The following AHCY variants were observed in gnomAD, a reference collection of about 807,000 sequenced individuals.
AHCY encodes adenosylhomocysteinase.
In AHCY, 24 loss-of-function variants were observed where a neutral mutation model predicts 45.4. The observed-to-expected ratio is 0.53, with a 90% confidence interval of 0.38 to 0.74. AHCY has a LOEUF of 0.74. Among genes scored for constraint, AHCY ranks in the 30% least tolerant of loss-of-function variants. The pLI is 0.00. For missense variants in AHCY, 449 were observed against 594.1 expected (o/e 0.76, Z 2.54); for synonymous variants, 245 against 235.1 (o/e 1.04, Z -0.39).
In AHCY at chr20:34,297,886, C is replaced by G. The variant is rs549521455; in HGVS notation, c.29-2301G>C. Among the ~76,000 whole-genome samples, 4 of 152,284 alleles carry G rather than the reference C, an allele frequency of 2.6e-5. No individual in the cohort carries two copies. The South Asian group carries it at 8.3e-4, about 32-fold the overall frequency. Reference sequence around the variant, plus strand: ...GGGCGCGGTGGCTCACACCTGTAATCCCAACACTTTGGGAGGCCAAGGTGG... The same window carrying G: ...GGGCGCGGTGGCTCACACCTGTAATGCCAACACTTTGGGAGGCCAAGGTGG... On this transcript the variant is annotated intron_variant, in intron 1 of 9. Transcript: ENST00000217426.
chr20:34,256,972 C>T, the AHCY span, among the ~76,000 whole-genome samples: 1 of 152,000 alleles, frequency 6.6e-6, no homozygotes, highest in Non-Finnish European at 1.5e-5. Flanking sequence ...TCAGAGCTTC[C>T]CACCACATTC....
chr20:34,280,691 G>C lies in AHCY; in HGVS notation c.*343C>G, dbSNP rs535554157. On this transcript the variant is annotated 3_prime_UTR_variant, in exon 10 of 10. Transcript: ENST00000217426. ...ACAGGTATAAGTCCACAGACCAGGTGAAGGCCTAGATGGCAAAACACATGG... is the reference window on the plus strand; with the variant it reads ...ACAGGTATAAGTCCACAGACCAGGTCAAGGCCTAGATGGCAAAACACATGG... 2 of 378,862 alleles carry C rather than the reference G, an allele frequency of 5.3e-6. No homozygotes were observed. Among genetic ancestry groups the C allele is most frequent in the Non-Finnish European group, 5.1e-6 (1 of 197,804 alleles). The allele number at this position is 378,862 out of a possible 1,614,324, so 23.5% of individuals were successfully genotyped here. A position where few individuals can be genotyped will look rare whatever the true frequency, so the allele number is the denominator to read the frequency against.
intron 1 of AHCY, chr20:34,302,484 T>C: frequency 5.3e-6 from 3 of 562,284 alleles, no homozygotes; most frequent in Non-Finnish European, 6.8e-6. Flanking sequence ...GAGGGCAAGT[T>C]ACCTCTGCCT....
chr20:34,271,492 A>T, the AHCY span, among the ~76,000 whole-genome samples: 1 of 151,728 alleles, frequency 6.6e-6, no homozygotes, highest in African/African-American at 2.4e-5. Flanking sequence ...TGATTGATTC[A>T]GGATCATTTC....
the AHCY span, chr20:34,269,336 T>G: frequency 4.9e-6 from 4 of 814,726 alleles, no homozygotes; most frequent in Non-Finnish European, 7.1e-6. Context: ...ACAATATATA[T>G]AGGCTGCTCG....
the AHCY span, among the ~76,000 whole-genome samples, chr20:34,249,492 C>A: frequency 6.6e-6 from 1 of 152,158 alleles, no homozygotes; most frequent in South Asian, 2.1e-4. Flanking sequence ...GTCATATGAT[C>A]AGTGTCAACT....
chr20:34,262,752 C>G, the AHCY span: 14 of 1,515,582 alleles, frequency 9.2e-6, no homozygotes, highest in Non-Finnish European at 1.2e-5. Flanking sequence ...ACTTCCCAAG[C>G]CCCCTCTGCC....
chr20:34,268,934 T>TCCTC, the AHCY span: 1 of 1,550,582 alleles, frequency 6.4e-7, no homozygotes, highest in Non-Finnish European at 8.7e-7. Context: ...CAGGCAGAGG[T>TCCTC]GAGGACCGGA....
chr20:34,250,852 T>C, the AHCY span, among the ~76,000 whole-genome samples: 3 of 152,120 alleles, frequency 2.0e-5, no homozygotes, highest in Non-Finnish European at 4.4e-5. Context: ...AACAAGGCCT[T>C]ATCCCTGAAG....
At chr20:34,286,834 CAAAAAAAA>C (rs71194603) in intron 8 of AHCY, among the ~76,000 whole-genome samples, 9 of 53,738 alleles carry the variant, frequency 1.7e-4, no homozygotes, top group African/African-American at 5.5e-4. Flanking sequence ...AACTCCGTCT[CAAAAAAAA>C]AAAAAAAAAA....
rs759977182 is a variant in AHCY, at chr20:34,295,413, G to A, written c.201C>T (p.Leu67=). ...GCCTCACCTCAGCACCCAGGGTGAC[G>A]AGGGTCTCAATGAGGACGGCCGTCT... ...TVETAVLIET[L]VTLGAEVQWS... The change falls in exon 2 of 10, where the codon CTC becomes CTT. Residue 67 remains leucine (L), a synonymous_variant. Coordinates refer to ENST00000217426, the MANE Select transcript of AHCY (RefSeq NM_000687.4). 25 of 1,613,904 alleles carry A rather than the reference G, an allele frequency of 1.5e-5. No individual in the cohort carries two copies. Among genetic ancestry groups the A allele is most frequent in the South Asian group, 4.4e-5 (4 of 91,076 alleles).
intron 8 of AHCY, among the ~76,000 whole-genome samples, chr20:34,286,858 AAG>A (rs1256491668): frequency 4.0e-5 from 6 of 150,552 alleles, no homozygotes; most frequent in Non-Finnish European, 5.9e-5. Flanking sequence ...AAAAAAAAAA[AAG>A]ATACCTTGGC....
the AHCY span, among the ~76,000 whole-genome samples, chr20:34,233,652 A>G: frequency 6.6e-6 from 1 of 152,214 alleles, no homozygotes; most frequent in Admixed American, 6.5e-5. Flanking sequence ...GTCTGAAGAT[A>G]ATGAATTGGC....
chr20:34,285,683 C>T (rs1399499357), intron 8 of AHCY, 49 bp from the exon 9 acceptor site: 2 of 1,600,300 alleles, frequency 1.2e-6, no homozygotes, highest in Non-Finnish European at 1.7e-6. Context: ...CCCGCTCCCA[C>T]AGCCCACCCT....
At chr20:34,306,761 C>A (rs923346664), upstream of AHCY, among the ~76,000 whole-genome samples, 1 of 152,186 alleles carries the variant, frequency 6.6e-6, no homozygotes, top group African/African-American at 2.4e-5. Flanking sequence ...ATAAATGCAG[C>A]AACCTGGATG....
the AHCY span, chr20:34,246,390 G>A: frequency 4.3e-6 from 6 of 1,407,828 alleles, no homozygotes; most frequent in Non-Finnish European, 3.9e-6. Flanking sequence ...TGTTTACAAT[G>A]AGCAACATCA....
chr20:34,265,947 C>CA, the AHCY span, among the ~76,000 whole-genome samples: 15 of 140,758 alleles, frequency 1.1e-4, no homozygotes, highest in East Asian at 7.1e-4. Flanking sequence ...AAGACTGTCT[C>CA]AAAAAAAAAC....
At chr20:34,285,887 T>C in intron 8 of AHCY, 2 of 480,812 alleles carry the variant, frequency 4.2e-6, no homozygotes, top group Non-Finnish European at 3.8e-6. Flanking sequence ...GATCATGAGG[T>C]CAGGAGATCG....
intron 9 of AHCY, among the ~76,000 whole-genome samples, chr20:34,281,382 T>C (rs2035997168): frequency 6.6e-6 from 1 of 152,218 alleles, no homozygotes; most frequent in African/African-American, 2.4e-5. Flanking sequence ...CTCCCCTACA[T>C]GTGGCTTGAC....
Sources: allele counts gnomAD v4.1 joint callset (sites outside exome capture counted in the v4.1 genomes callset), GRCh38; gene constraint gnomAD v4.1.1; transcripts MANE v1.5; gene names NCBI Gene and HGNC (gene_info 2026-07-23, HGNC 2026-07-21).